Variants in CACNA2D3 observed in about 807,000 individuals in gnomAD.
The protein encoded by CACNA2D3 is voltage-dependent calcium channel subunit alpha-2/delta-3.
A neutral mutation model predicts 160.6 loss-of-function variants in CACNA2D3; 60 were observed. The ratio of observed to expected loss-of-function variants is 0.37; its 90% CI spans 0.30 to 0.46. The LOEUF is 0.46. CACNA2D3 is among the 20% of genes least tolerant of loss of function. The pLI is 1.00. For synonymous variants in CACNA2D3, 558 were observed against 492.9 expected, an observed-to-expected ratio of 1.13 and a Z score of -1.75; for missense variants, 1,205 against 1,365.0, an observed-to-expected ratio of 0.88 and a Z score of 1.85.
chr3:54,308,414 C>T (rs1281864900), intron 2 of CACNA2D3, among the ~76,000 whole-genome samples: 1 of 152,116 alleles, frequency 6.6e-6, no homozygotes, highest in African/African-American at 2.4e-5. Context: ...AGCAGGTACA[C>T]TTTCTCCACT....
At chr3:54,229,730 C>G (rs773122771) in intron 2 of CACNA2D3, among the ~76,000 whole-genome samples, 1 of 152,122 alleles carries the variant, frequency 6.6e-6, no homozygotes, top group Non-Finnish European at 1.5e-5. Context: ...TGACAATTCC[C>G]CAGTTATAAA....
intron 2 of CACNA2D3, among the ~76,000 whole-genome samples, chr3:54,183,892 GAAAAAAAA>G (rs58956795): frequency 2.3e-3 from 188 of 80,828 alleles, no homozygotes; most frequent in African/African-American, 9.2e-3. Flanking sequence ...TCTCAAAAAA[GAAAAAAAA>G]AAAAAAAAAA....
At chr3:54,302,488 A>T (rs1030375785) in intron 2 of CACNA2D3, among the ~76,000 whole-genome samples, 1 of 152,142 alleles carries the variant, frequency 6.6e-6, no homozygotes, top group African/African-American at 2.4e-5. Flanking sequence ...TATAAGATGG[A>T]AAGAGCGCTT....
chr3:54,925,047 T>G, intron 27 of CACNA2D3: 1 of 1,614,152 alleles, frequency 6.2e-7, no homozygotes, highest in Non-Finnish European at 8.5e-7. Context: ...TATCTGATTA[T>G]CTTGTAAATG....
chr3:55,045,942 CTTCTTT>C (rs1015006681), intron 35 of CACNA2D3, among the ~76,000 whole-genome samples: 1 of 151,786 alleles, frequency 6.6e-6, no homozygotes, highest in African/African-American at 2.4e-5. Context: ...GAATTTTACT[CTTCTTT>C]TTCTAGTTTC....
At chr3:54,493,555 A>T (rs965902935) in intron 4 of CACNA2D3, among the ~76,000 whole-genome samples, 1 of 151,968 alleles carries the variant, frequency 6.6e-6, no homozygotes, top group African/African-American at 2.4e-5. Flanking sequence ...GATATGTCCT[A>T]TTCCCTTCCC....
At chr3:54,315,857 A>G (rs1371532957) in intron 2 of CACNA2D3, among the ~76,000 whole-genome samples, 3 of 152,218 alleles carry the variant, frequency 2.0e-5, no homozygotes, top group African/African-American at 7.2e-5. Context: ...AAAGAGTCTA[A>G]TTGGGACCAC....
chr3:54,678,749 A>AAAAAAT (rs1700289334), intron 11 of CACNA2D3, among the ~76,000 whole-genome samples: 2 of 143,614 alleles, frequency 1.4e-5, no homozygotes, highest in Admixed American at 7.1e-5. Flanking sequence ...AAAAAAAAAA[A>AAAAAAT]GTTGATGATC....
intron 33 of CACNA2D3, among the ~76,000 whole-genome samples, 169 bp downstream of exon 33, chr3:55,008,011 G>T (rs904665316): frequency 6.6e-6 from 1 of 152,166 alleles, no homozygotes; most frequent in African/African-American, 2.4e-5. Flanking sequence ...ACCAAAAAAT[G>T]ATCTTCTATT....
chr3:54,877,036 C>T (rs914206218), intron 18 of CACNA2D3: 1 of 152,128 alleles, frequency 6.6e-6, no homozygotes, highest in Non-Finnish European at 1.5e-5. Flanking sequence ...GGGGCTGTCT[C>T]CTTTTCGGTC....
intron 11 of CACNA2D3, among the ~76,000 whole-genome samples, chr3:54,716,978 C>T (rs945684089): frequency 6.6e-6 from 1 of 151,772 alleles, no homozygotes; most frequent in African/African-American, 2.4e-5. Flanking sequence ...CCTGCCAGGA[C>T]CTTCAAGCCT....
intron 4 of CACNA2D3, among the ~76,000 whole-genome samples, chr3:54,423,206 C>G (rs1225846532): frequency 6.6e-6 from 1 of 151,772 alleles, no homozygotes; most frequent in Non-Finnish European, 1.5e-5. Context: ...GCAGTGGGAT[C>G]AAAGGGGATA....
At chr3:55,016,323 C>A (rs1396149690) in intron 34 of CACNA2D3, among the ~76,000 whole-genome samples, 1 of 152,328 alleles carries the variant, frequency 6.6e-6, no homozygotes, top group African/African-American at 2.4e-5. Flanking sequence ...GCACTCACAG[C>A]GTGCCAGCTA....
chr3:54,718,332 G>A (rs1338896544), intron 11 of CACNA2D3, among the ~76,000 whole-genome samples: 1 of 151,966 alleles, frequency 6.6e-6, no homozygotes, highest in Admixed American at 6.6e-5. Context: ...GTGGATGATA[G>A]TCCACAATAT....
At chr3:54,549,319 G>A (rs1559510116) in intron 5 of CACNA2D3, among the ~76,000 whole-genome samples, 1 of 152,138 alleles carries the variant, frequency 6.6e-6, no homozygotes, top group African/African-American at 2.4e-5. Context: ...GGTGGCAGAC[G>A]CCTGTAGTCC....
chr3:54,733,961 GAAAA>G (rs1031906029), intron 11 of CACNA2D3, among the ~76,000 whole-genome samples: 2 of 143,654 alleles, frequency 1.4e-5, no homozygotes, highest in Admixed American at 1.4e-4. Context: ...CAGTGAGATT[GAAAA>G]AAAAAAAGCA....
chr3:54,687,028 G>T (rs10510771), intron 11 of CACNA2D3, among the ~76,000 whole-genome samples: 38,428 of 151,436 alleles, frequency 0.25, 5,230 homozygotes, highest in African/African-American at 0.28. Flanking sequence ...TTGGAAGCTT[G>T]GATATATGGT....
intron 4 of CACNA2D3, among the ~76,000 whole-genome samples, chr3:54,388,966 C>T (rs1374395022): frequency 6.6e-6 from 1 of 152,062 alleles, no homozygotes; most frequent in Non-Finnish European, 1.5e-5. Context: ...AAATAAGAAT[C>T]CATGAGTCCG....
At chr3:54,748,600 T>G (rs1701800752) in intron 11 of CACNA2D3, among the ~76,000 whole-genome samples, 2 of 151,898 alleles carry the variant, frequency 1.3e-5, no homozygotes, top group African/African-American at 4.8e-5. Context: ...GCCTTTGAGC[T>G]GCATTAATGA....
Sources: gnomAD v4.1 joint callset for allele counts (sites outside exome capture counted in the v4.1 genomes callset) on GRCh38, gnomAD v4.1.1 for gene constraint, MANE v1.5 for transcripts, NCBI Gene and HGNC (gene_info 2026-07-23, HGNC 2026-07-21) for gene names.